TMEM135: variants seen among roughly 807,000 people sequenced by gnomAD.
The protein encoded by TMEM135 is peroxisomal membrane protein 52.
TMEM135 carries 30 observed loss-of-function variants against 60.3 expected under a neutral mutation model. That is an observed-to-expected ratio of 0.50 (90% CI 0.37 to 0.68). TMEM135 has a LOEUF of 0.68. TMEM135 is among the 30% of genes least tolerant of loss of function. The probability of loss-of-function intolerance (pLI) is 0.00; values close to 1 mark genes in which losing one functional copy is unlikely to be tolerated. For missense variants in TMEM135, 468 were observed against 548.8 expected (o/e 0.85, Z 1.47); for synonymous variants, 190 against 186.7 (o/e 1.02, Z -0.14).
At chr11:87,199,559 G>A (rs1354778905) in intron 5 of TMEM135, among the ~76,000 whole-genome samples, 1 of 152,222 alleles carries the variant, frequency 6.6e-6, no homozygotes, top group East Asian at 1.9e-4. Flanking sequence ...GGATGAGGTA[G>A]ATACATATAG....
At chr11:87,146,968 T>C (rs930862300) in intron 4 of TMEM135, among the ~76,000 whole-genome samples, 6 of 152,122 alleles carry the variant, frequency 3.9e-5, no homozygotes, top group African/African-American at 1.4e-4. Context: ...CATGTTAAAT[T>C]GACCCACTGA....
intron 6 of TMEM135, among the ~76,000 whole-genome samples, chr11:87,242,111 T>C (rs1389886775): frequency 2.0e-5 from 3 of 151,548 alleles, no homozygotes; most frequent in Non-Finnish European, 4.4e-5. Flanking sequence ...GTTTGGTTTT[T>C]TGTCCTTGCG....
intron 5 of TMEM135, among the ~76,000 whole-genome samples, chr11:87,175,740 G>C (rs1018526055): frequency 6.6e-6 from 1 of 151,998 alleles, no homozygotes; most frequent in Non-Finnish European, 1.5e-5. Flanking sequence ...CATGGGTAAG[G>C]CTGTACCTCC....
intron 3 of TMEM135, among the ~76,000 whole-genome samples, chr11:87,086,505 C>T (rs1428066345): frequency 1.3e-5 from 2 of 152,098 alleles, no homozygotes; most frequent in African/African-American, 2.4e-5. Flanking sequence ...AGCGGTGGAA[C>T]AGCTCAGTGG....
intron 4 of TMEM135, among the ~76,000 whole-genome samples, chr11:87,151,124 G>A (rs1290874290): frequency 1.3e-5 from 2 of 152,010 alleles, no homozygotes; most frequent in Non-Finnish European, 1.5e-5. Context: ...TTTAATGTGA[G>A]TCTCTAAAAA....
chr11:87,218,459 T>C (rs1245578029), intron 5 of TMEM135, among the ~76,000 whole-genome samples: 1 of 152,224 alleles, frequency 6.6e-6, no homozygotes, highest in Admixed American at 6.5e-5. Context: ...ATTCTTGGTC[T>C]CATCAGGCTT....
At chr11:87,311,537 G>A (rs1037744470) in intron 10 of TMEM135, among the ~76,000 whole-genome samples, 10 of 151,874 alleles carry the variant, frequency 6.6e-5, no homozygotes, top group Non-Finnish European at 1.5e-4. Flanking sequence ...GCCCCAGGTT[G>A]GTTATTCTCT....
intron 3 of TMEM135, among the ~76,000 whole-genome samples, chr11:87,082,514 A>G (rs1241020842): frequency 2.6e-5 from 4 of 152,204 alleles, no homozygotes; most frequent in Non-Finnish European, 4.4e-5. Flanking sequence ...GAGAAAATCA[A>G]TGATATGCTG....
chr11:87,179,733 T>A (rs1939467667), intron 5 of TMEM135, among the ~76,000 whole-genome samples: 1 of 152,200 alleles, frequency 6.6e-6, no homozygotes, highest in African/African-American at 2.4e-5. Context: ...TGACCATAAA[T>A]ATCAGGATTT....
intron 6 of TMEM135, among the ~76,000 whole-genome samples, chr11:87,241,012 G>A (rs1483562288): frequency 1.3e-5 from 2 of 148,914 alleles, no homozygotes; most frequent in Non-Finnish European, 1.5e-5. Flanking sequence ...GTAAGTCAGA[G>A]TTTATTGTTA....
intron 1 of TMEM135, among the ~76,000 whole-genome samples, chr11:87,059,928 A>C (rs1286886757): frequency 6.6e-6 from 1 of 152,028 alleles, no homozygotes; most frequent in Non-Finnish European, 1.5e-5. Flanking sequence ...AGCCTGCATA[A>C]AATGGTGAAA....
chr11:87,066,772 C>G (rs2135135333), intron 1 of TMEM135, among the ~76,000 whole-genome samples: 1 of 146,704 alleles, frequency 6.8e-6, no homozygotes, highest in South Asian at 2.2e-4. Context: ...TGTGTTGTTA[C>G]TAGATTCTTT....
chr11:87,080,671 A>T (rs940714087), intron 3 of TMEM135, among the ~76,000 whole-genome samples: 1 of 151,822 alleles, frequency 6.6e-6, no homozygotes, highest in Non-Finnish European at 1.5e-5. Context: ...TCTGAAGTTT[A>T]TTTTTATTTG....
chr11:87,093,109 T>G (rs941917279), intron 4 of TMEM135, among the ~76,000 whole-genome samples: 27 of 152,328 alleles, frequency 1.8e-4, no homozygotes, highest in African/African-American at 6.3e-4. Flanking sequence ...TCATATTTTC[T>G]TAATCACTCT....
chr11:87,185,967 C>T (rs766199314), intron 5 of TMEM135, among the ~76,000 whole-genome samples: 3 of 144,244 alleles, frequency 2.1e-5, no homozygotes, highest in African/African-American at 5.2e-5. Flanking sequence ...AGTTCAGTGG[C>T]GTGATCTTGG....
chr11:87,320,585 C>G (rs1255065856), intron 14 of TMEM135, among the ~76,000 whole-genome samples: 1 of 152,118 alleles, frequency 6.6e-6, no homozygotes, highest in Admixed American at 6.5e-5. Context: ...AAGGTCTATC[C>G]TGTACATTAG....
chr11:87,137,023 A>C (rs1415474381), intron 4 of TMEM135, among the ~76,000 whole-genome samples: 1 of 152,076 alleles, frequency 6.6e-6, no homozygotes, highest in Non-Finnish European at 1.5e-5. Flanking sequence ...TACCAGGCTC[A>C]CATCTTTACT....
chr11:87,070,713 T>C (rs1465657334), intron 2 of TMEM135, among the ~76,000 whole-genome samples: 1 of 152,172 alleles, frequency 6.6e-6, no homozygotes. Context: ...TTGTCATTTA[T>C]GAGGCACTGT....
At chr11:87,067,531 C>T (rs1050677575) in intron 1 of TMEM135, among the ~76,000 whole-genome samples, 163 bp from the exon 2 acceptor site, 7 of 152,054 alleles carry the variant, frequency 4.6e-5, no homozygotes, top group Non-Finnish European at 1.0e-4. Context: ...CAGGTGTCTT[C>T]CTTTCTATCC....
Sources: allele counts gnomAD v4.1 joint callset (sites outside exome capture counted in the v4.1 genomes callset), GRCh38; gene constraint gnomAD v4.1.1; transcripts MANE v1.5; gene names NCBI Gene and HGNC (gene_info 2026-07-23, HGNC 2026-07-21).